Variants in NRG3 observed in about 807,000 individuals in gnomAD.
NRG3 encodes neuregulin 3.
Under a neutral mutation model 66.9 loss-of-function variants are expected in NRG3, and 31 were observed. That is an observed-to-expected ratio of 0.46 (90% CI 0.35 to 0.63). The LOEUF (loss-of-function observed/expected upper bound fraction) is 0.63, where lower values mean the gene tolerates loss of function less well. Ranked by LOEUF, NRG3 falls within the 20% of genes least tolerant of loss-of-function variation. The pLI is 0.00. For missense variants in NRG3, 910 were observed against 878.9 expected (o/e 1.04, Z -0.45); for synonymous variants, 393 against 359.4 (o/e 1.09, Z -1.06).
chr10:82,394,047 A>G (rs1049296554), intron 2 of NRG3, among the ~76,000 whole-genome samples: 3 of 152,066 alleles, frequency 2.0e-5, no homozygotes, highest in African/African-American at 7.2e-5. Flanking sequence ...GTGTATTGCT[A>G]TTTAGTATGC....
intron 3 of NRG3, among the ~76,000 whole-genome samples, chr10:82,806,626 T>C (rs2061295710): frequency 6.6e-6 from 1 of 152,230 alleles, no homozygotes; most frequent in Non-Finnish European, 1.5e-5. Flanking sequence ...TTCACATTTC[T>C]GAGATGCATC....
intron 1 of NRG3, among the ~76,000 whole-genome samples, chr10:81,948,366 T>C (rs1849034905): frequency 6.6e-6 from 1 of 152,182 alleles, no homozygotes; most frequent in Non-Finnish European, 1.5e-5. Flanking sequence ...CAGAAAAAAA[T>C]GCATAGGTTG....
At chr10:82,319,334 A>G (rs565620072) in intron 1 of NRG3, among the ~76,000 whole-genome samples, 3 of 152,316 alleles carry the variant, frequency 2.0e-5, no homozygotes, top group Admixed American at 2.0e-4. Flanking sequence ...AGGCAAGCTT[A>G]CATTTTGTCT....
chr10:81,992,231 C>G (rs2060770610), intron 1 of NRG3, among the ~76,000 whole-genome samples: 1 of 151,752 alleles, frequency 6.6e-6, no homozygotes, highest in Admixed American at 6.6e-5. Context: ...TTTTATTTAT[C>G]AGAACTCACT....
intron 2 of NRG3, among the ~76,000 whole-genome samples, chr10:82,578,770 C>T (rs1204633219): frequency 6.6e-6 from 1 of 151,758 alleles, no homozygotes; most frequent in East Asian, 1.9e-4. Flanking sequence ...CTTAGAAAAT[C>T]CCTGTGAGAT....
intron 2 of NRG3, among the ~76,000 whole-genome samples, chr10:82,713,343 G>A (rs2056789523): frequency 6.6e-6 from 1 of 152,094 alleles, no homozygotes; most frequent in Admixed American, 6.6e-5. Context: ...TGGAGACCAA[G>A]AAAGGGGTTG....
chr10:82,052,059 G>A (rs979778204), intron 1 of NRG3, among the ~76,000 whole-genome samples: 52 of 147,376 alleles, frequency 3.5e-4, no homozygotes, highest in Non-Finnish European at 6.1e-4. Context: ...TACGCTAACA[G>A]CTCCTCATTT....
intron 1 of NRG3, among the ~76,000 whole-genome samples, chr10:82,010,763 A>C (rs1003036338): frequency 6.6e-6 from 1 of 152,178 alleles, no homozygotes; most frequent in Admixed American, 6.5e-5. Context: ...AGAGGTCTCT[A>C]TTCCTTTCTA....
chr10:82,751,422 C>T (rs903796141), intron 3 of NRG3, among the ~76,000 whole-genome samples: 1 of 152,150 alleles, frequency 6.6e-6, no homozygotes, highest in Non-Finnish European at 1.5e-5. Context: ...GCATAACCCA[C>T]TTTAGTTGTC....
At chr10:82,713,036 C>T (rs1475757526) in intron 2 of NRG3, among the ~76,000 whole-genome samples, 3 of 132,000 alleles carry the variant, frequency 2.3e-5, no homozygotes, top group Admixed American at 9.1e-5. Context: ...AGGAGAATCA[C>T]TTGAATCGGG....
At chr10:82,310,599 G>A (rs1398481904) in intron 1 of NRG3, among the ~76,000 whole-genome samples, 9 of 152,162 alleles carry the variant, frequency 5.9e-5, no homozygotes, top group Admixed American at 3.3e-4. Context: ...GCTATTGTAT[G>A]TGAAAGGGCC....
At chr10:81,987,903 T>C (rs1177441653) in intron 1 of NRG3, among the ~76,000 whole-genome samples, 1 of 152,174 alleles carries the variant, frequency 6.6e-6, no homozygotes, top group Non-Finnish European at 1.5e-5. Context: ...GCTATGCATA[T>C]CCATATTTTC....
intron 2 of NRG3, among the ~76,000 whole-genome samples, chr10:82,577,393 G>A (rs1167598734): frequency 1.3e-5 from 2 of 151,470 alleles, no homozygotes; most frequent in Non-Finnish European, 3.0e-5. Context: ...TATAGTTATA[G>A]GAATAAGAAC....
At chr10:82,071,305 A>G (rs2064793838) in intron 1 of NRG3, among the ~76,000 whole-genome samples, 1 of 152,206 alleles carries the variant, frequency 6.6e-6, no homozygotes, top group African/African-American at 2.4e-5. Context: ...GAGGAGTGCC[A>G]TTGAGAAATG....
intron 2 of NRG3, among the ~76,000 whole-genome samples, chr10:82,582,709 A>G (rs75510341): frequency 0.078 from 11,864 of 151,716 alleles, 617 homozygotes; most frequent in South Asian, 0.13. Flanking sequence ...TTTTATACAC[A>G]TATACACATG....
chr10:82,185,264 C>T (rs757812177), intron 1 of NRG3, among the ~76,000 whole-genome samples: 1 of 152,092 alleles, frequency 6.6e-6, no homozygotes, highest in African/African-American at 2.4e-5. Flanking sequence ...TAGGAAGCTG[C>T]AAATGAAAAA....
intron 3 of NRG3, among the ~76,000 whole-genome samples, chr10:82,826,314 C>G (rs2062205058): frequency 6.6e-6 from 1 of 152,222 alleles, no homozygotes. Flanking sequence ...CCATATCTGA[C>G]CATTCCTAGC....
chr10:82,606,040 A>G (rs1435345039), intron 2 of NRG3, among the ~76,000 whole-genome samples: 1 of 152,020 alleles, frequency 6.6e-6, no homozygotes, highest in Non-Finnish European at 1.5e-5. Flanking sequence ...CTTCTGCTCT[A>G]ATTTTGTATA....
chr10:82,170,951 G>T (rs999143196), intron 1 of NRG3, among the ~76,000 whole-genome samples: 3 of 151,408 alleles, frequency 2.0e-5, no homozygotes, highest in African/African-American at 7.3e-5. Flanking sequence ...TTTGATTTAT[G>T]GGTGTTGTCA....
Sources: gnomAD v4.1 joint callset for allele counts (sites outside exome capture counted in the v4.1 genomes callset) on GRCh38, gnomAD v4.1.1 for gene constraint, MANE v1.5 for transcripts, NCBI Gene and HGNC (gene_info 2026-07-23, HGNC 2026-07-21) for gene names.